GRIN2A: variants seen among roughly 807,000 people sequenced by gnomAD.
GRIN2A encodes glutamate receptor ionotropic, NMDA 2A.
Under a neutral mutation model 113.4 loss-of-function variants are expected in GRIN2A, and 22 were observed. The observed-to-expected ratio is 0.19, with a 90% confidence interval of 0.14 to 0.28. The LOEUF is 0.28. GRIN2A is among the 10% of genes least tolerant of loss of function. The pLI is 1.00. For synonymous variants in GRIN2A, 827 were observed against 738.4 expected (o/e 1.12, Z -1.94); for missense variants, 1,502 against 1,887.0 (o/e 0.80, Z 3.78).
chr16:10,055,910 A>G (rs9925707), intron 2 of GRIN2A, among the ~76,000 whole-genome samples: 17 of 152,190 alleles, frequency 1.1e-4, no homozygotes, highest in Admixed American at 9.8e-4. Flanking sequence ...GTCACTCCCT[A>G]AACAGCAGGA....
chr16:10,062,973 C>G (rs1596471718), intron 2 of GRIN2A, among the ~76,000 whole-genome samples: 1 of 152,064 alleles, frequency 6.6e-6, no homozygotes, highest in Non-Finnish European at 1.5e-5. Flanking sequence ...TGGAATCAAC[C>G]TAGGTGCCCA....
At chr16:10,133,620 A>T (rs893015061) in intron 2 of GRIN2A, among the ~76,000 whole-genome samples, 1 of 152,136 alleles carries the variant, frequency 6.6e-6, no homozygotes, top group Non-Finnish European at 1.5e-5. Context: ...AAAAAATAAT[A>T]ATTATAAATA....
intron 11 of GRIN2A, among the ~76,000 whole-genome samples, chr16:9,774,083 C>T (rs893390394): frequency 7.2e-5 from 11 of 151,888 alleles, no homozygotes; most frequent in African/African-American, 2.7e-4. Context: ...CCATTCCATT[C>T]CACTGGCTGC....
intron 2 of GRIN2A, among the ~76,000 whole-genome samples, chr16:9,993,952 GTCT>G: frequency 6.6e-6 from 1 of 152,170 alleles, no homozygotes; most frequent in South Asian, 2.1e-4. Flanking sequence ...GCACCATCAT[GTCT>G]TCTTACTTGC....
intron 2 of GRIN2A, among the ~76,000 whole-genome samples, chr16:10,044,022 TAGAGAGAG>T (rs1555469980): frequency 9.3e-6 from 1 of 107,984 alleles, no homozygotes; most frequent in Non-Finnish European, 1.8e-5. Flanking sequence ...TATATATATA[TAGAGAGAG>T]AGAGAGAGAG....
chr16:10,099,413 A>C (rs1429233047), intron 2 of GRIN2A, among the ~76,000 whole-genome samples: 1 of 152,252 alleles, frequency 6.6e-6, no homozygotes, highest in East Asian at 1.9e-4. Context: ...GAGTGCCTAG[A>C]TTCAGCACTG....
chr16:10,028,232 G>C (rs1487113632), intron 2 of GRIN2A, among the ~76,000 whole-genome samples: 1 of 152,232 alleles, frequency 6.6e-6, no homozygotes, highest in Non-Finnish European at 1.5e-5. Flanking sequence ...GGGACACACA[G>C]AGTGTTTTGT....
In GRIN2A at chr16:9,934,190, C is replaced by T. The variant is rs76565756; in HGVS notation, c.1007+3769G>A. Among the ~76,000 whole-genome samples the T allele has an allele frequency of 6.9e-3, 1,048 of 152,234 alleles. 12 individuals carry two copies. The highest frequency in any genetic ancestry group is 0.011 in the Non-Finnish European group (716 of 67,996). On this transcript the variant is annotated intron_variant, in intron 3 of 12. Coordinates refer to ENST00000330684, the MANE Select transcript of GRIN2A (RefSeq NM_001134407.3). ...ATCGGGTTGAGTATTTTATCAGATT[C>T]TGTTGTTTTCTGTACTATTCTTTTT...
At chr16:9,821,985 C>A (rs1330661764) in intron 10 of GRIN2A, among the ~76,000 whole-genome samples, 1 of 152,140 alleles carries the variant, frequency 6.6e-6, no homozygotes, top group African/African-American at 2.4e-5. Context: ...GTTAAAATAT[C>A]CTATGGAGTT....
intron 3 of GRIN2A, among the ~76,000 whole-genome samples, chr16:9,934,289 T>C (rs752771859): frequency 1.7e-4 from 26 of 152,168 alleles, no homozygotes; most frequent in Non-Finnish European, 3.5e-4. Context: ...TCAGACTGTA[T>C]GGTGTTTGAG....
At chr16:9,946,952 A>G (rs1200183308) in intron 2 of GRIN2A, among the ~76,000 whole-genome samples, 1 of 152,192 alleles carries the variant, frequency 6.6e-6, no homozygotes, top group Non-Finnish European at 1.5e-5. Context: ...CCATGTCCCA[A>G]TTAATTACCT....
chr16:10,149,298 C>T (rs1353890941), intron 2 of GRIN2A, among the ~76,000 whole-genome samples: 2 of 152,186 alleles, frequency 1.3e-5, no homozygotes, highest in Non-Finnish European at 1.5e-5. Flanking sequence ...ATGATTATAG[C>T]ACATTTGCAT....
At chr16:9,871,556 C>T (rs1267299966) in intron 4 of GRIN2A, among the ~76,000 whole-genome samples, 1 of 152,118 alleles carries the variant, frequency 6.6e-6, no homozygotes, top group Non-Finnish European at 1.5e-5. Flanking sequence ...TAACTACGTT[C>T]CAGGCCTCAT....
chr16:9,792,007 G>GATGAGTCT (rs1270414377), intron 11 of GRIN2A, among the ~76,000 whole-genome samples: 1 of 151,912 alleles, frequency 6.6e-6, no homozygotes, highest in Admixed American at 6.6e-5. Flanking sequence ...TAACAATCTA[G>GATGAGTCT]ATGAGTCTTT....
At chr16:9,976,451 T>A (rs2045774960) in intron 2 of GRIN2A, among the ~76,000 whole-genome samples, 1 of 152,210 alleles carries the variant, frequency 6.6e-6, no homozygotes, top group South Asian at 2.1e-4. Context: ...TGATCCTTTG[T>A]TGAACGTTCC....
At chr16:9,934,678 T>TAAAAAAA (rs33916243) in intron 3 of GRIN2A, among the ~76,000 whole-genome samples, 7 of 50,940 alleles carry the variant, frequency 1.4e-4, no homozygotes, top group African/African-American at 4.1e-4. Context: ...AGACTCTGTC[T>TAAAAAAA]AAAAAAAAAA....
At chr16:10,126,038 G>C (rs2048928111) in intron 2 of GRIN2A, among the ~76,000 whole-genome samples, 1 of 152,132 alleles carries the variant, frequency 6.6e-6, no homozygotes, top group African/African-American at 2.4e-5. Context: ...AAGTAGGGAG[G>C]CTTAGAGCTC....
At chr16:10,052,579 T>A (rs7188307) in intron 2 of GRIN2A, among the ~76,000 whole-genome samples, 83,177 of 152,062 alleles carry the variant, frequency 0.55, 23,447 homozygotes, top group East Asian at 0.87. Flanking sequence ...TTCAGGTTGC[T>A]GGGAGGGTAA....
intron 2 of GRIN2A, among the ~76,000 whole-genome samples, chr16:10,156,782 C>G (rs7195491): frequency 0.092 from 14,026 of 152,220 alleles, 661 homozygotes; most frequent in Middle Eastern, 0.12. Flanking sequence ...TTACAGTTTT[C>G]AGGGTTTTCA....
Sources: gnomAD v4.1 joint callset for allele counts (sites outside exome capture counted in the v4.1 genomes callset) on GRCh38, gnomAD v4.1.1 for gene constraint, MANE v1.5 for transcripts, NCBI Gene and HGNC (gene_info 2026-07-23, HGNC 2026-07-21) for gene names.